The following KLRC4 variants were observed in gnomAD, a reference collection of about 807,000 sequenced individuals.
The protein encoded by KLRC4 is NKG2-F type II integral membrane protein.
A neutral mutation model predicts 14.3 loss-of-function variants in KLRC4; 6 were observed. The ratio of observed to expected loss-of-function variants is 0.42; its 90% confidence interval spans 0.23 to 0.83. The LOEUF (loss-of-function observed/expected upper bound fraction) is 0.83, where lower values mean the gene tolerates loss of function less well. Ranked by LOEUF, KLRC4 falls within the 40% of genes least tolerant of loss-of-function variation. KLRC4 has a pLI of 0.29. For missense variants in KLRC4, 158 were observed against 179.4 expected, an observed-to-expected ratio of 0.88 and a Z score of 0.68; for synonymous variants, 53 against 60.5, an observed-to-expected ratio of 0.88 and a Z score of 0.57.
At position 10,409,453 on chromosome 12, in the gene KLRC4, T is replaced by C. The variant is rs1863551843; in HGVS notation, c.123A>G (p.Val41=). The change falls in exon 1 of 4, where the codon GTA becomes GTG. Residue 41 remains valine (V), a synonymous_variant. Transcript: ENST00000309384. ...ISGTKQEIFQ[V]ELNLQNASSD... is the part of the protein sequence containing the mutation. ...AAGAAGCATTTTGAAGGTTTAATTC[T>C]ACTTGGAATATTTCCTGTTTGGTTC... 1 of 1,613,744 alleles carries C rather than the reference T, an allele frequency of 6.2e-7. No homozygotes were observed.
chr12:10,409,102 T>G, intron 1 of KLRC4, 92 bp from the exon 2 acceptor site: 1 of 1,378,064 alleles, frequency 7.3e-7, no homozygotes, highest in Non-Finnish European at 1.0e-6. Context: ...CAGGAAAACA[T>G]AATGATAAAC....
In KLRC4 at chr12:10,409,416, C is replaced by G; in HGVS notation, c.160G>C (p.Gly54Arg). Residue 54 changes from glycine (G) to arginine (R), a missense_variant, in exon 1 of 4, where the codon GGG (glycine) becomes CGG (arginine). Coordinates refer to ENST00000309384, the MANE Select transcript of KLRC4 (RefSeq NM_013431.2). ...NLQNASSDHQ[G>R]NDKTYHCKGL... ...TTGCAGTGATATGTCTTGTCATTCC[C>G]TTGATGATCCGAAGAAGCATTTTGA... 1 of 1,611,988 alleles carries G rather than the reference C, an allele frequency of 6.2e-7. No individual in the cohort carries two copies. The highest frequency in any genetic ancestry group is 8.5e-7 in the Non-Finnish European group (1 of 1,178,040).
At chr12:10,409,272 C>T in intron 1 of KLRC4, 117 bp downstream of exon 1, 1 of 1,097,660 alleles carries the variant, frequency 9.1e-7, no homozygotes, top group Non-Finnish European at 1.3e-6. Context: ...AATATTAGAT[C>T]CTGACTTTGA....
In KLRC4 at chr12:10,407,928, G is replaced by A. The variant is rs369546091; in HGVS notation, c.341-139C>T. 2.8e-5 allele frequency: 34 copies of A among 1,235,898 alleles called. No homozygotes were observed. The Admixed American group carries it at 7.9e-4, about 29-fold the overall frequency. 76.6% of individuals were successfully genotyped at this position (1,235,898 alleles called of 1,614,324 possible). On this transcript the variant is annotated intron_variant, in intron 3 of 3. Transcript: ENST00000309384. ...TGTTAAATATATATTTTAAAATAAC[G>A]AGTCACTCATACGCACATGCACAAT...
In KLRC4 at chr12:10,407,733, A is replaced by G. The variant is rs776066782; in HGVS notation, c.397T>C (p.Tyr133His). 1 of 1,613,892 alleles carries G rather than the reference A, an allele frequency of 6.2e-7. No homozygotes were observed. Among genetic ancestry groups the G allele is most frequent in the Non-Finnish European group, 8.5e-7 (1 of 1,179,860 alleles). ...EWITYSNSCY[Y>H]IGKERRTWEE... ...CAAGTTCTTCTTTCCTTACCAATGT[A>G]ATAACAACTGTTGGAATATGTAATC... Residue 133 changes from tyrosine (Y) to histidine (H), a missense_variant, in exon 4 of 4, where the codon TAC (tyrosine) becomes CAC (histidine). Transcript: ENST00000309384.
chr12:10,409,749 A>G lies in KLRC4; in HGVS notation c.-174T>C, dbSNP rs1312713396. The G allele has an allele frequency of 6.2e-6, 6 of 963,294 alleles. No homozygotes were observed. The highest frequency in any genetic ancestry group is 8.3e-6 in the Non-Finnish European group (6 of 723,364). The allele number at this position is 963,294 out of a possible 1,614,324, so 59.7% of individuals were successfully genotyped here. On this transcript the variant is annotated 5_prime_UTR_variant, in exon 1 of 4. Transcript: ENST00000309384. Reference sequence around the variant, plus strand: ...TATAAAAGTCTGGTACTAATTTCCTAAAGTTTTAAACTGAAATCTCTTTAA... The same window carrying G: ...TATAAAAGTCTGGTACTAATTTCCTGAAGTTTTAAACTGAAATCTCTTTAA...
At chr12:10,409,195 G>A (rs1253408033) in intron 1 of KLRC4, among the ~76,000 whole-genome samples, 185 bp from the exon 2 acceptor site, 4 of 152,150 alleles carry the variant, frequency 2.6e-5, no homozygotes. Context: ...AATGCTCCAT[G>A]AGTTGTTAAT....
rs1308358950 is a variant in KLRC4, at chr12:10,408,929, GTTTT to G, written c.265_268del (p.Lys89GlnfsTer2). 3 of 1,613,554 alleles carry G rather than the reference GTTTT, an allele frequency of 1.9e-6. No individual in the cohort carries two copies. The highest frequency in any genetic ancestry group is 2.5e-6 in the Non-Finnish European group (3 of 1,179,692). ...ATGCTTACAAGGAATAAGAACTATT[GTTTT>G]TAACACAGTGGCCATCAGGACAATG... is the stretch of plus-strand genomic sequence containing the variant. On this transcript the variant is annotated frameshift_variant, in exon 2 of 4. Transcript: ENST00000309384. LOFTEE classifies it high-confidence loss of function.
At position 10,409,015 on chromosome 12, in the gene KLRC4, A is replaced by G; in HGVS notation, c.188-5T>C. 3 of 1,613,674 alleles carry G rather than the reference A, an allele frequency of 1.9e-6. No individual in the cohort carries two copies. Among genetic ancestry groups the G allele is most frequent in the Non-Finnish European group, 2.5e-6 (3 of 1,179,682 alleles). On this transcript the variant is annotated splice_region_variant and splice_polypyrimidine_tract_variant and intron_variant, in intron 1 of 3. Coordinates refer to ENST00000309384, the MANE Select transcript of KLRC4 (RefSeq NM_013431.2). ...TCTCTGGAGGTGGCAGTAAACCTGC[A>G]GGGAGAGAAAGAGGCACTGAGAGAG...
Position 10,409,654 on chromosome 12 carries a change from A to C in KLRC4, c.-79T>G, listed in dbSNP as rs1863554816. Reference sequence around the variant, plus strand: ...AGCTATAAGTGGTGTATATTTTGACAGGATCCCTGGTATAGGCAAACTGCA... The same window carrying C: ...AGCTATAAGTGGTGTATATTTTGACCGGATCCCTGGTATAGGCAAACTGCA... On this transcript the variant is annotated 5_prime_UTR_variant, in exon 1 of 4. Transcript: ENST00000309384. 6.7e-7 allele frequency: 1 copy of C among 1,501,944 alleles called. No homozygotes were observed. The highest frequency in any genetic ancestry group is 8.9e-7 in the Non-Finnish European group (1 of 1,122,474). The allele number at this position is 1,501,944 out of a possible 1,614,324, so 93.0% of individuals were successfully genotyped here.
intron 1 of KLRC4, 61 bp from the exon 2 acceptor site, chr12:10,409,071 G>T: frequency 6.3e-7 from 1 of 1,579,940 alleles, no homozygotes; most frequent in South Asian, 1.1e-5. Flanking sequence ...GAAGGTTTAC[G>T]TACAAGAGAA....
At chr12:10,407,832 A>T (rs746149948) in intron 3 of KLRC4, 43 bp from the exon 4 acceptor site, 1 of 1,574,174 alleles carries the variant, frequency 6.4e-7, no homozygotes, top group Non-Finnish European at 8.6e-7. Context: ...ATATGTTTAC[A>T]AATGAAAATT....
In KLRC4 at chr12:10,407,679, G is replaced by C. The variant is rs754929941; in HGVS notation, c.451C>G (p.Arg151Gly). The C allele has an allele frequency of 6.2e-7, 1 of 1,613,620 alleles. No homozygotes were observed. The highest frequency in any genetic ancestry group is 1.7e-5 in the Admixed American group (1 of 59,976). The change falls in exon 4 of 4, where the codon CGA (arginine) becomes GGA (glycine). Residue 151 changes from arginine to glycine, a missense_variant. Transcript: ENST00000309384. ...WEERVCWPVLRRTLICFL is the reference protein window; with the variant it reads ...WEERVCWPVLGRTLICFL Reference sequence around the variant, plus strand: ...TATAGAAAGCAGATCAGAGTTCTTCGAAGCACAGGCCAGCAAACTCTTTCT... The same window carrying C: ...TATAGAAAGCAGATCAGAGTTCTTCCAAGCACAGGCCAGCAAACTCTTTCT...
Position 10,408,929 on chromosome 12 carries a change from G to A in KLRC4, c.269C>T (p.Thr90Ile), listed in dbSNP as rs1463186091. The A allele has an allele frequency of 4.3e-6, 7 of 1,613,554 alleles. No homozygotes were observed. The highest frequency in any genetic ancestry group is 2.7e-5 in the African/African-American group (2 of 74,890). The change falls in exon 2 of 4, where the codon ACA becomes ATA. Residue 90 changes from threonine (T) to isoleucine (I), a missense_variant. Thr to Ile is a moderately conservative substitution (Grantham distance 89). Coordinates refer to ENST00000309384, the MANE Select transcript of KLRC4 (RefSeq NM_013431.2). ...CIVLMATVLK[T>I]IVLIPCIGVL... ...ATGCTTACAAGGAATAAGAACTATT[G>A]TTTTTAACACAGTGGCCATCAGGAC...
rs1400528975 is a variant in KLRC4, at chr12:10,409,644, A to G, written c.-69T>C. ...GCACTTAAGAAGCTATAAGTGGTGT[A>G]TATTTTGACAGGATCCCTGGTATAG... On this transcript the variant is annotated 5_prime_UTR_variant, in exon 1 of 4. Transcript: ENST00000309384. The G allele has an allele frequency of 3.3e-6, 5 of 1,514,316 alleles. No homozygotes were observed. Among genetic ancestry groups the G allele is most frequent in the South Asian group, 1.3e-5 (1 of 74,078 alleles). The allele number at this position is 1,514,316 out of a possible 1,614,324, so 93.8% of individuals were successfully genotyped here.
intron 3 of KLRC4, 48 bp downstream of exon 3, chr12:10,408,281 C>A (rs1384470034): frequency 1.8e-6 from 2 of 1,107,990 alleles, no homozygotes; most frequent in Non-Finnish European, 2.7e-6. Flanking sequence ...CCTTTAGAGA[C>A]AAAATATAAA....
intron 3 of KLRC4, 101 bp downstream of exon 3, chr12:10,408,228 T>C: frequency 1.4e-6 from 1 of 730,762 alleles, no homozygotes; most frequent in Non-Finnish European, 2.4e-6. Context: ...TGGCTCATTG[T>C]TATAGTTTAT....
At chr12:10,409,052 A>T in intron 1 of KLRC4, 42 bp from the exon 2 acceptor site, 1 of 1,608,756 alleles carries the variant, frequency 6.2e-7, no homozygotes, top group Non-Finnish European at 8.5e-7. Context: ...GGAGATAGAG[A>T]GTTGATGAGA....
intron 2 of KLRC4, among the ~76,000 whole-genome samples, 180 bp downstream of exon 2, chr12:10,408,732 G>A (rs187275342): frequency 6.6e-6 from 1 of 151,528 alleles, no homozygotes; most frequent in Admixed American, 6.6e-5. Flanking sequence ...AAAAATAAAT[G>A]TTTTCTACAA....
Sources: gnomAD v4.1 joint callset for allele counts (sites outside exome capture counted in the v4.1 genomes callset) on GRCh38, gnomAD v4.1.1 for gene constraint, MANE v1.5 for transcripts, NCBI Gene and HGNC (gene_info 2026-07-23, HGNC 2026-07-21) for gene names.